Variants in PDE1A observed in about 807,000 individuals in gnomAD.
PDE1A encodes the protein dual specificity calcium/calmodulin-dependent 3',5'-cyclic nucleotide phosphodiesterase 1A.
Under a neutral mutation model 61.7 loss-of-function variants are expected in PDE1A, and 35 were observed. The ratio of observed to expected loss-of-function variants is 0.57; its 90% CI spans 0.43 to 0.75. PDE1A has a LOEUF of 0.75. Ranked by LOEUF, PDE1A falls within the 30% of genes least tolerant of loss-of-function variation. PDE1A has a pLI of 0.00. For synonymous variants in PDE1A, 232 were observed against 213.2 expected (o/e 1.09, Z -0.77); for missense variants, 597 against 630.6 (o/e 0.95, Z 0.57).
chr2:182,658,432 A>G, the PDE1A span, among the ~76,000 whole-genome samples: 2 of 152,204 alleles, frequency 1.3e-5, no homozygotes, highest in Non-Finnish European at 2.9e-5. Context: ...GCCTACTCCA[A>G]TCTTAACCTC....
intron 2 of PDE1A, among the ~76,000 whole-genome samples, chr2:182,436,583 T>C (rs1394603340): frequency 6.6e-6 from 1 of 151,990 alleles, no homozygotes; most frequent in Non-Finnish European, 1.5e-5. Context: ...TAGAAAATAA[T>C]AATTTTCCCT....
chr2:182,570,329 C>T, the PDE1A span, among the ~76,000 whole-genome samples: 3 of 152,152 alleles, frequency 2.0e-5, no homozygotes, highest in Non-Finnish European at 2.9e-5. Flanking sequence ...ATATTTGACT[C>T]TAAGACACAT....
the PDE1A span, among the ~76,000 whole-genome samples, chr2:182,572,963 TA>T: frequency 6.6e-6 from 1 of 151,542 alleles, no homozygotes; most frequent in South Asian, 2.1e-4. Context: ...AAGTGATAAC[TA>T]AAATGAAAGA....
At chr2:182,283,987 A>G (rs375207696) in intron 1 of PDE1A, among the ~76,000 whole-genome samples, 7 of 152,136 alleles carry the variant, frequency 4.6e-5, no homozygotes, top group African/African-American at 1.4e-4. Flanking sequence ...AGTAAAAGTT[A>G]TAACAATCAA....
the PDE1A span, among the ~76,000 whole-genome samples, chr2:182,572,257 G>C: frequency 6.6e-6 from 1 of 152,130 alleles, no homozygotes; most frequent in Non-Finnish European, 1.5e-5. Flanking sequence ...GGAAGGAAGA[G>C]CTTTCACTAA....
At chr2:182,506,053 T>C (rs776008817) in intron 2 of PDE1A, among the ~76,000 whole-genome samples, 1 of 152,222 alleles carries the variant, frequency 6.6e-6, no homozygotes, top group Non-Finnish European at 1.5e-5. Flanking sequence ...ATCTATATGC[T>C]AGCCATCTCT....
At chr2:182,677,945 T>TA in the PDE1A span, among the ~76,000 whole-genome samples, 6 of 152,104 alleles carry the variant, frequency 3.9e-5, no homozygotes, top group Non-Finnish European at 7.4e-5. Context: ...TCCTTCCTAA[T>TA]AAAATACTCA....
the PDE1A span, among the ~76,000 whole-genome samples, chr2:182,540,385 AGCAGC>A: frequency 1.4e-4 from 7 of 50,632 alleles, no homozygotes; most frequent in East Asian, 1.0e-3. Flanking sequence ...AAAAAAAAAA[AGCAGC>A]AGCAGCAGCA....
chr2:182,562,898 G>A, the PDE1A span, among the ~76,000 whole-genome samples: 2 of 152,146 alleles, frequency 1.3e-5, no homozygotes, highest in African/African-American at 2.4e-5. Context: ...GATCAGTGGT[G>A]ATATCCCCTT....
Position 182,186,595 on chromosome 2 carries a change from A to G in PDE1A, c.1208-7T>C. 6.3e-7 allele frequency: 1 copy of G among 1,593,688 alleles called. No homozygotes were observed. Among genetic ancestry groups the G allele is most frequent in the East Asian group, 2.2e-5 (1 of 44,608 alleles). On this transcript the variant is annotated splice_region_variant and splice_polypyrimidine_tract_variant and intron_variant, in intron 11 of 13. Coordinates refer to ENST00000351439, the Ensembl canonical transcript of PDE1A. ...ACTATGAAATCGATGAAACCTACAA[A>G]AGCCAAAATGAGAAGAGAGAGAGAT...
intron 1 of PDE1A, among the ~76,000 whole-genome samples, chr2:182,384,125 C>T (rs1274420603): frequency 6.6e-6 from 1 of 152,220 alleles, no homozygotes; most frequent in Non-Finnish European, 1.5e-5. Flanking sequence ...CCCTCAGTGG[C>T]TCTGAGCTTC....
At chr2:182,519,720 A>G (rs1465180274) in intron 2 of PDE1A, among the ~76,000 whole-genome samples, 1 of 151,904 alleles carries the variant, frequency 6.6e-6, no homozygotes, top group Non-Finnish European at 1.5e-5. Flanking sequence ...CTAAAATGTT[A>G]TGTCATATAA....
At chr2:182,238,337 T>C (rs544133318) in intron 3 of PDE1A, among the ~76,000 whole-genome samples, 1 of 150,448 alleles carries the variant, frequency 6.6e-6, no homozygotes, top group Admixed American at 6.6e-5. Context: ...AAAACATCAC[T>C]GTGGAATGGC....
At chr2:182,336,073 A>G (rs552131869) in intron 1 of PDE1A, among the ~76,000 whole-genome samples, 60 of 152,222 alleles carry the variant, frequency 3.9e-4, no homozygotes, top group Middle Eastern at 3.2e-3. Context: ...ATGAGATACT[A>G]TCTCACGCCA....
the PDE1A span, among the ~76,000 whole-genome samples, chr2:182,595,240 C>A: frequency 6.6e-6 from 1 of 152,078 alleles, no homozygotes; most frequent in South Asian, 2.1e-4. Flanking sequence ...AAACATATTT[C>A]TTATGCAAAT....
the PDE1A span, among the ~76,000 whole-genome samples, chr2:182,604,938 A>G: frequency 1.3e-5 from 2 of 152,182 alleles, no homozygotes; most frequent in African/African-American, 4.8e-5. Flanking sequence ...TGAACCAAAG[A>G]AAGAAAGATA....
chr2:182,262,955 ATGTG>A (rs60469609), intron 2 of PDE1A, among the ~76,000 whole-genome samples: 32,023 of 147,076 alleles, frequency 0.22, 3,453 homozygotes, highest in African/African-American at 0.28. Flanking sequence ...TTATTAAACA[ATGTG>A]TGTGTGTGTG....
the PDE1A span, among the ~76,000 whole-genome samples, chr2:182,565,622 T>A: frequency 6.6e-6 from 1 of 152,082 alleles, no homozygotes; most frequent in African/African-American, 2.4e-5. Flanking sequence ...CTTCGATACA[T>A]CTGGTTGAAC....
the PDE1A span, among the ~76,000 whole-genome samples, chr2:182,593,487 T>C: frequency 6.6e-6 from 1 of 152,182 alleles, no homozygotes; most frequent in Non-Finnish European, 1.5e-5. Flanking sequence ...TCAGGAAATC[T>C]AGACTAGTAG....
Sources: allele counts gnomAD v4.1 joint callset (sites outside exome capture counted in the v4.1 genomes callset), GRCh38; gene constraint gnomAD v4.1.1; transcripts MANE v1.5; gene names NCBI Gene and HGNC (gene_info 2026-07-23, HGNC 2026-07-21).